Variants in COL4A2 observed in about 807,000 individuals in gnomAD.
COL4A2 encodes collagen type IV alpha 2 chain.
COL4A2 carries 99 observed loss-of-function variants against 200.2 expected under a neutral mutation model. The observed-to-expected ratio is 0.49, with a 90% CI of 0.42 to 0.58. COL4A2 has a LOEUF of 0.58. COL4A2 is among the 20% of genes least tolerant of loss of function. The pLI is 0.00. For synonymous variants in COL4A2, 897 were observed against 900.6 expected (o/e 1.00, Z 0.07); for missense variants, 1,950 against 2,314.1 (o/e 0.84, Z 3.23).
chr13:110,334,125 A>G (rs1876059763), intron 3 of COL4A2, among the ~76,000 whole-genome samples: 1 of 152,346 alleles, frequency 6.6e-6, no homozygotes, highest in East Asian at 1.9e-4. Context: ...ACACGGCCTG[A>G]ACACAGAGGC....
In COL4A2 at chr13:110,408,812, TAC is replaced by T. The variant is rs68036789; in HGVS notation, c.181-15912_181-15911del. On this transcript the variant is annotated intron_variant, in intron 4 of 47. Transcript: ENST00000360467. ...GTACACACACACGCACACATATATA[TAC>T]ACACACACATGCACACACACATACA... Among the ~76,000 whole-genome samples the T allele has an allele frequency of 3.5e-3, 292 of 84,044 alleles. 21 individuals carry two copies. The highest frequency in any genetic ancestry group is 0.01 in the African/African-American group (267 of 26,226). 55.1% of individuals were successfully genotyped at this position (84,044 alleles called of 152,430 possible). A position where few individuals can be genotyped will look rare whatever the true frequency, so the allele number is the denominator to read the frequency against.
Position 110,478,091 on chromosome 13 carries a change from A to T in COL4A2, c.2514A>T (p.Pro838=), listed in dbSNP as rs775050500. The change falls in exon 30 of 48, where the codon CCA becomes CCT. Residue 838 remains proline (P), a synonymous_variant. Transcript: ENST00000360467. ...PSGQPGLYGP[P]GLHGFPGAPG... is the part of the protein sequence containing the mutation. The stretch of plus-strand genomic sequence containing the variant: ...GCCAGCCAGGCCTGTATGGGCCTCC[A>T]GGACTGCATGGATTCCCAGGAGCTC... 6.2e-7 allele frequency: 1 copy of T among 1,609,876 alleles called. No homozygotes were observed. Among genetic ancestry groups the T allele is most frequent in the African/African-American group, 1.3e-5 (1 of 74,956 alleles).
chr13:110,401,325 A>G (rs1405257239), intron 4 of COL4A2, among the ~76,000 whole-genome samples: 2 of 152,218 alleles, frequency 1.3e-5, no homozygotes, highest in Non-Finnish European at 1.5e-5. Flanking sequence ...TACCATCTGT[A>G]TCTTTCAAAA....
At chr13:110,459,188 C>G (rs1355454794) in intron 22 of COL4A2, 1 of 374,364 alleles carries the variant, frequency 2.7e-6, no homozygotes, top group Non-Finnish European at 4.8e-6. Flanking sequence ...TAGGGGGTCA[C>G]CACGTGACCC....
chr13:110,434,574 A>G, intron 12 of COL4A2, 132 bp downstream of exon 12: 1 of 886,672 alleles, frequency 1.1e-6, no homozygotes, highest in Non-Finnish European at 1.8e-6. Context: ...CCATTTGCAT[A>G]GGGAAATAAT....
At chr13:110,369,637 G>A (rs1566497031) in intron 4 of COL4A2, among the ~76,000 whole-genome samples, 1 of 152,122 alleles carries the variant, frequency 6.6e-6, no homozygotes, top group Non-Finnish European at 1.5e-5. Context: ...ATAGGCTATG[G>A]TTAATAAAAC....
At chr13:110,327,469 A>G (rs1241547435) in intron 3 of COL4A2, among the ~76,000 whole-genome samples, 1 of 152,268 alleles carries the variant, frequency 6.6e-6, no homozygotes, top group African/African-American at 2.4e-5. Flanking sequence ...GGTCAGTCTC[A>G]GAAATATAAC....
chr13:110,483,065 C>T (rs1882988585), intron 32 of COL4A2, among the ~76,000 whole-genome samples: 1 of 152,182 alleles, frequency 6.6e-6, no homozygotes, highest in Non-Finnish European at 1.5e-5. Context: ...AAGGACATAA[C>T]ACGGTGCCAG....
At chr13:110,447,736 C>T (rs561670152) in intron 18 of COL4A2, among the ~76,000 whole-genome samples, 123 of 108,070 alleles carry the variant, frequency 1.1e-3, no homozygotes, top group Non-Finnish European at 1.9e-3. Flanking sequence ...GCTCAGCAAA[C>T]GCCTGACTGA....
At chr13:110,412,371 C>T (rs1244324190) in intron 4 of COL4A2, among the ~76,000 whole-genome samples, 2 of 152,176 alleles carry the variant, frequency 1.3e-5, no homozygotes, top group Non-Finnish European at 2.9e-5. Context: ...ACATCACTGC[C>T]GCTTGCAAAT....
At chr13:110,506,393 C>A (rs1883877043) in intron 45 of COL4A2, 22 bp from the exon 46 acceptor site, 3 of 1,596,366 alleles carry the variant, frequency 1.9e-6, no homozygotes, top group East Asian at 2.3e-5. Context: ...GCCGTCCACT[C>A]TCTCTCTTTC....
intron 22 of COL4A2, chr13:110,459,584 TGG>T (rs1380640591): frequency 3.7e-5 from 1 of 26,746 alleles, no homozygotes; most frequent in Non-Finnish European, 7.2e-5. Flanking sequence ...GGGGTGGGGG[TGG>T]GGAGTACCTG....
chr13:110,485,449 G>T (rs952186001), intron 33 of COL4A2, among the ~76,000 whole-genome samples: 1 of 151,702 alleles, frequency 6.6e-6, no homozygotes, highest in Non-Finnish European at 1.5e-5. Flanking sequence ...CGTGAACCGG[G>T]GAGGCAGAGC....
chr13:110,435,073 T>C (rs541775266), intron 12 of COL4A2, among the ~76,000 whole-genome samples: 134 of 152,322 alleles, frequency 8.8e-4, no homozygotes, highest in African/African-American at 2.8e-3. Flanking sequence ...GGCCTCATGA[T>C]TGGAACATTT....
At chr13:110,436,143 G>A (rs1880861287) in intron 12 of COL4A2, 126 bp from the exon 13 acceptor site, 1 of 1,341,012 alleles carries the variant, frequency 7.5e-7, no homozygotes, top group Non-Finnish European at 1.1e-6. Context: ...ACTGTAAATA[G>A]GTATACATAT....
intron 4 of COL4A2, among the ~76,000 whole-genome samples, chr13:110,404,295 T>G (rs1454027374): frequency 6.6e-6 from 1 of 152,248 alleles, no homozygotes; most frequent in Non-Finnish European, 1.5e-5. Context: ...CCGACTCATA[T>G]TTGAAGGTTC....
chr13:110,339,735 T>C (rs1216509994), intron 3 of COL4A2, among the ~76,000 whole-genome samples: 1 of 152,212 alleles, frequency 6.6e-6, no homozygotes. Context: ...GGGACCATAA[T>C]AGATGCTCAG....
At chr13:110,316,106 G>A (rs1007216612) in intron 3 of COL4A2, among the ~76,000 whole-genome samples, 2 of 152,286 alleles carry the variant, frequency 1.3e-5, no homozygotes, top group Admixed American at 6.5e-5. Flanking sequence ...TAGAATTCCT[G>A]TTTTGTTGCT....
At position 110,361,686 on chromosome 13, in the gene COL4A2, T is replaced by C. The variant is rs555500672; in HGVS notation, c.180+4134T>C. ...GGGTCAATTTGCAGAGCTTTGTTCA[T>C]CCTTGGGCGGTGAGTGGTAGACTCT... On this transcript the variant is annotated intron_variant, in intron 4 of 47. Coordinates refer to ENST00000360467, the MANE Select transcript of COL4A2 (RefSeq NM_001846.4). Among the ~76,000 whole-genome samples, 6 of 152,328 alleles carry C rather than the reference T, an allele frequency of 3.9e-5. No homozygotes were observed. The East Asian group carries it at 1.2e-3, about 29-fold the overall frequency.
Sources: allele counts gnomAD v4.1 joint callset (sites outside exome capture counted in the v4.1 genomes callset), GRCh38; gene constraint gnomAD v4.1.1; transcripts MANE v1.5; gene names NCBI Gene and HGNC (gene_info 2026-07-23, HGNC 2026-07-21).